The following SDK1 variants were observed in gnomAD, a reference collection of about 807,000 sequenced individuals.
SDK1 encodes the protein protein sidekick-1.
In SDK1, 157 loss-of-function variants were observed where a neutral mutation model predicts 245.5. The observed-to-expected ratio is 0.64, with a 90% CI of 0.56 to 0.73. SDK1 has a LOEUF of 0.73. Among genes scored for constraint, SDK1 ranks in the 30% least tolerant of loss-of-function variants. The pLI, the probability that SDK1 is intolerant of heterozygous loss-of-function variation, is 0.00. For missense variants in SDK1, 3,583 were observed against 3,002.3 expected (o/e 1.19, Z -4.52); for synonymous variants, 1,647 against 1,278.5 (o/e 1.29, Z -6.15).
chr7:4,125,489 T>TG (rs1554350145), intron 25 of SDK1, among the ~76,000 whole-genome samples: 7 of 146,416 alleles, frequency 4.8e-5, no homozygotes, highest in Non-Finnish European at 9.0e-5. Context: ...ATGGATTGAT[T>TG]GATGGATGGA....
chr7:3,538,305 T>G (rs1320506629), intron 1 of SDK1, among the ~76,000 whole-genome samples: 1 of 152,218 alleles, frequency 6.6e-6, no homozygotes, highest in Non-Finnish European at 1.5e-5. Flanking sequence ...ATTTTGTCTT[T>G]TCTTGTGTTT....
intron 1 of SDK1, among the ~76,000 whole-genome samples, chr7:3,597,028 T>C (rs1583209725): frequency 6.6e-6 from 1 of 152,058 alleles, no homozygotes; most frequent in Non-Finnish European, 1.5e-5. Context: ...CCCAGCACTT[T>C]GGGAGGCCGA....
intron 41 of SDK1, among the ~76,000 whole-genome samples, chr7:4,234,796 G>A (rs1471568003): frequency 3.9e-5 from 6 of 152,222 alleles, no homozygotes; most frequent in African/African-American, 1.2e-4. Flanking sequence ...GGCGCTGGGG[G>A]GTTCAGAGAG....
chr7:4,060,914 C>A (rs1779498171), intron 19 of SDK1, among the ~76,000 whole-genome samples: 1 of 151,728 alleles, frequency 6.6e-6, no homozygotes, highest in Non-Finnish European at 1.5e-5. Flanking sequence ...TTACCCATTG[C>A]TTGTTTTTCT....
intron 1 of SDK1, among the ~76,000 whole-genome samples, chr7:3,437,037 C>T (rs958819832): frequency 2.0e-5 from 3 of 152,054 alleles, no homozygotes; most frequent in African/African-American, 4.8e-5. Context: ...TCTATCAGTC[C>T]AGGAGAGCCT....
chr7:3,502,077 ATAT>A (rs1353754113), intron 1 of SDK1, among the ~76,000 whole-genome samples: 5 of 152,100 alleles, frequency 3.3e-5, no homozygotes, highest in East Asian at 1.9e-4. Flanking sequence ...AAAAATATTA[ATAT>A]TATTAGTGGG....
chr7:3,532,823 C>G (rs895287518), intron 1 of SDK1, among the ~76,000 whole-genome samples: 1 of 152,152 alleles, frequency 6.6e-6, no homozygotes, highest in African/African-American at 2.4e-5. Flanking sequence ...CTTACCTCCT[C>G]TGCGTTCTTG....
chr7:3,728,490 C>G (rs1779079676), intron 4 of SDK1, among the ~76,000 whole-genome samples: 1 of 152,218 alleles, frequency 6.6e-6, no homozygotes, highest in Non-Finnish European at 1.5e-5. Context: ...TAGTCTTTTA[C>G]ACATGAATAA....
Position 4,012,116 on chromosome 7 carries a change from A to T in SDK1, c.2301A>T (p.Pro767=), listed in dbSNP as rs1020319981. The change falls in exon 16 of 45, where the codon CCA becomes CCT. Residue 767 remains proline, a synonymous_variant. Coordinates refer to ENST00000404826, the MANE Select transcript of SDK1 (RefSeq NM_152744.4). ...ETSRLMLPEE[P]PSAPPKNIVA... ...ATAGGTTGATGCTACCTGAAGAACCACCCAGTGCTCCCCCGAAAAATATAG... is the reference window on the plus strand; with the variant it reads ...ATAGGTTGATGCTACCTGAAGAACCTCCCAGTGCTCCCCCGAAAAATATAG... The T allele has an allele frequency of 5.1e-6, 8 of 1,569,596 alleles. No homozygotes were observed. In the Admixed American group the frequency reaches 1.1e-4, roughly 22 times the overall value.
Position 4,267,892 on chromosome 7 carries a change from A to G in SDK1, c.*2508A>G. 8 of 985,482 alleles carry G rather than the reference A, an allele frequency of 8.1e-6. No homozygotes were observed. The highest frequency in any genetic ancestry group is 9.6e-6 in the Non-Finnish European group (8 of 830,012). 61.0% of individuals were successfully genotyped at this position (985,482 alleles called of 1,614,324 possible). A position where few individuals can be genotyped will look rare whatever the true frequency, so the allele number is the denominator to read the frequency against. ...CTCGGAGGGACTCTGTCCCATGAGA[A>G]CCACCTGTGCAAAGGAACAGAGCTG... is the stretch of plus-strand genomic sequence containing the variant. On this transcript the variant is annotated 3_prime_UTR_variant, in exon 45 of 45. Coordinates refer to ENST00000404826, the MANE Select transcript of SDK1 (RefSeq NM_152744.4).
intron 28 of SDK1, 56 bp from the exon 29 acceptor site, chr7:4,145,661 GGGCTT>G (rs1779916591): frequency 6.8e-7 from 1 of 1,477,028 alleles, no homozygotes; most frequent in African/African-American, 1.4e-5. Flanking sequence ...TGTGGGCACA[GGGCTT>G]CCCTGTGCCG....
At chr7:3,346,050 G>A (rs902085729) in intron 1 of SDK1, among the ~76,000 whole-genome samples, 1 of 152,154 alleles carries the variant, frequency 6.6e-6, no homozygotes, top group Non-Finnish European at 1.5e-5. Flanking sequence ...AAATGTTTTT[G>A]GGTCTAATTT....
At chr7:3,947,519 G>C (rs1463734622) in intron 5 of SDK1, among the ~76,000 whole-genome samples, 1 of 139,834 alleles carries the variant, frequency 7.2e-6, no homozygotes. Context: ...CTTTTAAAAA[G>C]AAGTATTTGC....
chr7:3,598,461 C>T (rs563743198), intron 1 of SDK1, among the ~76,000 whole-genome samples: 12 of 152,164 alleles, frequency 7.9e-5, no homozygotes, highest in East Asian at 7.7e-4. Flanking sequence ...ACAGAGATCC[C>T]GTGTACCCAT....
intron 16 of SDK1, among the ~76,000 whole-genome samples, chr7:4,013,820 C>T (rs971585461): frequency 1.3e-5 from 2 of 152,176 alleles, no homozygotes; most frequent in Non-Finnish European, 2.9e-5. Context: ...CCTTTTGTCT[C>T]GAGGCTCCAA....
chr7:3,340,766 CAAAA>C (rs56932562), intron 1 of SDK1, among the ~76,000 whole-genome samples: 3 of 125,360 alleles, frequency 2.4e-5, no homozygotes, highest in Non-Finnish European at 3.4e-5. Flanking sequence ...GACCCCGTCT[CAAAA>C]AAAAAAAAAA....
At chr7:3,536,526 CA>C in intron 1 of SDK1, among the ~76,000 whole-genome samples, 1 of 151,588 alleles carries the variant, frequency 6.6e-6, no homozygotes, top group East Asian at 2.0e-4. Flanking sequence ...TAAAACAAAA[CA>C]AAAAAACCCC....
At chr7:3,809,513 C>T (rs113958475) in intron 4 of SDK1, among the ~76,000 whole-genome samples, 9 of 152,214 alleles carry the variant, frequency 5.9e-5, no homozygotes, top group South Asian at 2.1e-4. Context: ...ACTCGGCAAT[C>T]GAAAAGAGTC....
chr7:3,509,823 C>T (rs535340778), intron 1 of SDK1, among the ~76,000 whole-genome samples: 67 of 152,172 alleles, frequency 4.4e-4, no homozygotes, highest in Non-Finnish European at 7.3e-4. Flanking sequence ...AAAATGAGTA[C>T]TTAGAGTCTA....
Sources: gnomAD v4.1 joint callset for allele counts (sites outside exome capture counted in the v4.1 genomes callset) on GRCh38, gnomAD v4.1.1 for gene constraint, MANE v1.5 for transcripts, NCBI Gene and HGNC (gene_info 2026-07-23, HGNC 2026-07-21) for gene names.